WNT11: variants seen among roughly 807,000 people sequenced by gnomAD.
WNT11 encodes the protein protein Wnt-11.
Under a neutral mutation model 35.6 loss-of-function variants are expected in WNT11, and 20 were observed. The ratio of observed to expected loss-of-function variants is 0.56; its 90% confidence interval spans 0.40 to 0.82. The LOEUF is 0.82. Ranked by LOEUF, WNT11 falls within the 40% of genes least tolerant of loss-of-function variation. WNT11 has a pLI of 0.00. For synonymous variants in WNT11, 200 were observed against 211.9 expected (o/e 0.94, Z 0.49); for missense variants, 459 against 504.4 (o/e 0.91, Z 0.86).
At chr11:76,187,386 T>TA in intron 4 of WNT11, 147 bp from the exon 5 acceptor site, 1 of 763,954 alleles carries the variant, frequency 1.3e-6, no homozygotes, top group Non-Finnish European at 1.9e-6. Context: ...TGGGGAATTT[T>TA]AAATAATCCT....
At chr11:76,190,217 G>A (rs1953162583) in intron 4 of WNT11, among the ~76,000 whole-genome samples, 2 of 152,080 alleles carry the variant, frequency 1.3e-5, no homozygotes, top group Admixed American at 1.3e-4. Flanking sequence ...CCCCCTGTTG[G>A]GAAGCTGTGC....
chr11:76,207,776 A>G (rs1271053459), upstream of WNT11, among the ~76,000 whole-genome samples: 1 of 152,080 alleles, frequency 6.6e-6, no homozygotes, highest in South Asian at 2.1e-4. Context: ...CGGGCCGCGG[A>G]GGAGAGGCTG....
chr11:76,197,972 G>C (rs892370286), intron 1 of WNT11, among the ~76,000 whole-genome samples: 2 of 152,194 alleles, frequency 1.3e-5, no homozygotes, highest in African/African-American at 4.8e-5. Context: ...ACCCAGGAGC[G>C]ACAGGGAACC....
chr11:76,209,418 TC>T (rs1436900196), upstream of WNT11, among the ~76,000 whole-genome samples: 1 of 151,474 alleles, frequency 6.6e-6, no homozygotes, highest in Non-Finnish European at 1.5e-5. Context: ...ACTTGCGGGG[TC>T]CCCCCTACCC....
At chr11:76,206,167 A>C (rs1953469165) in intron 1 of WNT11, among the ~76,000 whole-genome samples, 158 bp downstream of exon 1, 1 of 152,124 alleles carries the variant, frequency 6.6e-6, no homozygotes, top group Non-Finnish European at 1.5e-5. Flanking sequence ...GACATTTTAC[A>C]GAGGAGGAAA....
chr11:76,194,729 A>G lies in WNT11; in HGVS notation c.435T>C (p.Gly145=), dbSNP rs1202825817. The change falls in exon 3 of 5, where the codon GGT becomes GGC. Residue 145 remains glycine, a synonymous_variant. Transcript: ENST00000322563. The surrounding 1 kb of genome is among the most constrained non-coding windows in gnomAD (Gnocchi z 5.4). ...AGCGGTTCCCGGGCCCGGGTGGCTCACCTGGGACGGGGCCGCAGGAGCAGC... is the reference window on the plus strand; with the variant it reads ...AGCGGTTCCCGGGCCCGGGTGGCTCGCCTGGGACGGGGCCGCAGGAGCAGC... ...LPGCSCGPVP[G]EPPGPGNRWG... The G allele has an allele frequency of 1.3e-6, 2 of 1,550,432 alleles. No homozygotes were observed. The highest frequency in any genetic ancestry group is 1.7e-6 in the Non-Finnish European group (2 of 1,147,208).
chr11:76,191,571 G>T lies in WNT11; in HGVS notation c.883C>A (p.Gln295Lys), dbSNP rs201578613. Reference protein sequence around the residue: ...KNEKVGSHGTQDRQCNKTSNG... With the variant: ...KNEKVGSHGTKDRQCNKTSNG... ...GGTGGCAGCAGGCCTCACCTGTCTT[G>T]TGTCCCGTGGGAGCCCACCTTCTCA... Residue 295 changes from glutamine (Q) to lysine (K), a missense_variant, in exon 4 of 5, where the codon CAA becomes AAA. By Grantham distance (53) the Gln-to-Lys change is moderately conservative. Transcript: ENST00000322563. 6.2e-7 allele frequency: 1 copy of T among 1,610,504 alleles called. No homozygotes were observed. Among genetic ancestry groups the T allele is most frequent in the Non-Finnish European group, 8.5e-7 (1 of 1,177,358 alleles).
chr11:76,206,614 C>T (rs1331764384), upstream of WNT11: 3 of 1,105,546 alleles, frequency 2.7e-6, no homozygotes, highest in Middle Eastern at 3.5e-4. Flanking sequence ...CGGCGGGCGT[C>T]CCCTCCCGCT....
intron 2 of WNT11, among the ~76,000 whole-genome samples, chr11:76,195,929 G>A (rs759714857): frequency 2.0e-5 from 3 of 152,222 alleles, no homozygotes; most frequent in Non-Finnish European, 2.9e-5. Flanking sequence ...GCTTCTGTCT[G>A]TCAAAAGCCT....
intron 4 of WNT11, among the ~76,000 whole-genome samples, chr11:76,189,950 G>T (rs553796616): frequency 1.3e-5 from 2 of 152,344 alleles, no homozygotes; most frequent in Admixed American, 1.3e-4. Flanking sequence ...AACCTGTGGG[G>T]GCTGTGAAGG....
chr11:76,193,495 G>A (rs534125231), intron 3 of WNT11, among the ~76,000 whole-genome samples: 1 of 152,236 alleles, frequency 6.6e-6, no homozygotes, highest in Non-Finnish European at 1.5e-5. Context: ...GCAGGGGTAG[G>A]GGACAGGTCA....
intron 1 of WNT11, among the ~76,000 whole-genome samples, chr11:76,197,866 T>C (rs948006): frequency 0.91 from 137,754 of 152,084 alleles, 62,703 homozygotes; most frequent in Middle Eastern, 0.98. Context: ...CCCCACAACC[T>C]TAAAGGACTC....
chr11:76,187,187 C>T lies in WNT11; in HGVS notation c.943G>A (p.Gly315Arg), dbSNP rs778229304. Residue 315 changes from glycine to arginine, a missense_variant, in exon 5 of 5, where the codon GGG becomes AGG. Transcript: ENST00000322563. Reference sequence around the variant, plus strand: ...TCTGTGTAGGGGTTGTAGCCACGCCCGCAGCACATAAGGTCGCAGCTGTCG... The same window carrying T: ...TCTGTGTAGGGGTTGTAGCCACGCCTGCAGCACATAAGGTCGCAGCTGTCG... ...GSDSCDLMCC[G>R]RGYNPYTDRV... is the part of the protein sequence containing the mutation. 1.2e-6 allele frequency: 2 copies of T among 1,609,844 alleles called. No individual in the cohort carries two copies. Among genetic ancestry groups the T allele is most frequent in the Non-Finnish European group, 1.7e-6 (2 of 1,180,014 alleles).
chr11:76,187,179 G>T lies in WNT11; in HGVS notation c.951C>A (p.Gly317=). The T allele has an allele frequency of 6.2e-7, 1 of 1,610,530 alleles. No homozygotes were observed. Among genetic ancestry groups the T allele is most frequent in the Non-Finnish European group, 8.5e-7 (1 of 1,180,008 alleles). Residue 317 remains glycine, a synonymous_variant, in exon 5 of 5, where the codon GGC becomes GGA. Transcript: ENST00000322563. ...CCACGCGGTCTGTGTAGGGGTTGTA[G>T]CCACGCCCGCAGCACATAAGGTCGC... ...DSCDLMCCGR[G]YNPYTDRVVE... is the part of the protein sequence containing the mutation.
chr11:76,203,624 T>C (rs1565196747), intron 1 of WNT11, among the ~76,000 whole-genome samples: 1 of 152,200 alleles, frequency 6.6e-6, no homozygotes, highest in South Asian at 2.1e-4. Flanking sequence ...AGGTTATTTC[T>C]GGGCAGGTGC....
chr11:76,208,619 G>A (rs1005189850), upstream of WNT11, among the ~76,000 whole-genome samples: 9 of 152,192 alleles, frequency 5.9e-5, no homozygotes, highest in African/African-American at 2.2e-4. Context: ...GAGGGGGCGG[G>A]GGCTGCAAGA....
chr11:76,209,165 G>A (rs1243759442), upstream of WNT11, among the ~76,000 whole-genome samples: 1 of 152,170 alleles, frequency 6.6e-6, no homozygotes, highest in African/African-American at 2.4e-5. Flanking sequence ...GCTTGGGGCC[G>A]GGCGCGTAGT....
chr11:76,205,911 G>A (rs1333192850), intron 1 of WNT11, among the ~76,000 whole-genome samples: 1 of 152,212 alleles, frequency 6.6e-6, no homozygotes, highest in Non-Finnish European at 1.5e-5. Context: ...GGTCGCCCAG[G>A]TGGAGGGGTC....
At chr11:76,191,980 G>A (rs1007268237) in intron 3 of WNT11, 124 bp from the exon 4 acceptor site, 2 of 1,230,830 alleles carry the variant, frequency 1.6e-6, no homozygotes, top group African/African-American at 3.0e-5. Context: ...GGAGTCTGAA[G>A]TGATAGAGCT....
Sources: allele counts gnomAD v4.1 joint callset (sites outside exome capture counted in the v4.1 genomes callset), GRCh38; gene constraint gnomAD v4.1.1; non-coding constraint Gnocchi (gnomAD v3.1); transcripts MANE v1.5; gene names NCBI Gene and HGNC (gene_info 2026-07-23, HGNC 2026-07-21).